Variants in VPS53 observed in about 807,000 individuals in gnomAD.
The protein encoded by VPS53 is vacuolar protein sorting-associated protein 53 homolog.
Under a neutral mutation model 107.0 loss-of-function variants are expected in VPS53, and 70 were observed. The ratio of observed to expected loss-of-function variants is 0.65; its 90% CI spans 0.54 to 0.80. The LOEUF is 0.80. VPS53 is among the 30% of genes least tolerant of loss of function. VPS53 has a pLI of 0.00. For missense variants in VPS53, 917 were observed against 1,049.4 expected, an observed-to-expected ratio of 0.87 and a Z score of 1.74; for synonymous variants, 409 against 393.3, an observed-to-expected ratio of 1.04 and a Z score of -0.47.
At chr17:630,656 C>T (rs1172408795) in intron 8 of VPS53, among the ~76,000 whole-genome samples, 1 of 152,180 alleles carries the variant, frequency 6.6e-6, no homozygotes, top group African/African-American at 2.4e-5. Flanking sequence ...CCACTTACTT[C>T]CTACATTTCT....
chr17:687,380 A>G (rs550541927), intron 4 of VPS53, among the ~76,000 whole-genome samples: 133 of 152,072 alleles, frequency 8.7e-4, no homozygotes, highest in African/African-American at 2.7e-3. Flanking sequence ...GATCGAGACC[A>G]TCCTGGCCAA....
chr17:656,927 G>C, intron 5 of VPS53: 1 of 1,311,316 alleles, frequency 7.6e-7, no homozygotes. Flanking sequence ...GGAAACTTGA[G>C]TGCCAAAGCT....
At position 661,873 on chromosome 17, in the gene VPS53, G is replaced by C. The variant is rs1971451169; in HGVS notation, c.308C>G (p.Ala103Gly). 6.4e-7 allele frequency: 1 copy of C among 1,552,138 alleles called. No homozygotes were observed. The highest frequency in any genetic ancestry group is 8.7e-7 in the Non-Finnish European group (1 of 1,147,100). The change falls in exon 5 of 22, where the codon GCT (alanine) becomes GGT (glycine). Residue 103 changes from alanine (A) to glycine (G), a missense_variant. Physicochemically the swap from Ala to Gly is moderately conservative, Grantham distance 60 (BLOSUM62 0). Transcript: ENST00000437048. Reference protein sequence around the residue: ...GRQALEEAQKAIQQLFGKIKD... With the variant: ...GRQALEEAQKGIQQLFGKIKD... ...GATTTTGCCAAAGAGTTGTTGGATAGCTTTCTGAGCCTCTTCAAGCGCCTA... is the reference window on the plus strand; with the variant it reads ...GATTTTGCCAAAGAGTTGTTGGATACCTTTCTGAGCCTCTTCAAGCGCCTA...
intron 2 of VPS53, among the ~76,000 whole-genome samples, chr17:702,043 T>C (rs1473451422): frequency 6.6e-6 from 1 of 152,210 alleles, no homozygotes; most frequent in Non-Finnish European, 1.5e-5. Context: ...AATATCATTT[T>C]TATAATATAA....
chr17:585,398 T>TTTGG (rs1238725548), intron 13 of VPS53, among the ~76,000 whole-genome samples: 3 of 152,214 alleles, frequency 2.0e-5, no homozygotes, highest in Non-Finnish European at 4.4e-5. Flanking sequence ...GGCTCATGCC[T>TTTGG]GTAATTCCAG....
chr17:518,096 G>A lies in VPS53; in HGVS notation c.*1032C>T, dbSNP rs919654229. The A allele has an allele frequency of 6.6e-6, 1 of 152,290 alleles. No homozygotes were observed. The highest frequency in any genetic ancestry group is 2.4e-5 in the African/African-American group (1 of 41,460). The allele number at this position is 152,290 out of a possible 1,614,324, so 9.4% of individuals were successfully genotyped here. A position where few individuals can be genotyped will look rare whatever the true frequency, so the allele number is the denominator to read the frequency against. On this transcript the variant is annotated 3_prime_UTR_variant, in exon 22 of 22. Transcript: ENST00000437048. ...AGATATCATTCTTCAGCAAAAGCAG[G>A]CAGCAACAGCAGCGGTTTGCCTGTA...
chr17:660,583 G>A (rs765094438), intron 5 of VPS53, among the ~76,000 whole-genome samples: 10 of 152,072 alleles, frequency 6.6e-5, no homozygotes, highest in South Asian at 2.1e-4. Flanking sequence ...GGATACTCTC[G>A]CTGATCTTCA....
At chr17:609,143 C>A (rs1216810756) in intron 11 of VPS53, among the ~76,000 whole-genome samples, 1 of 152,140 alleles carries the variant, frequency 6.6e-6, no homozygotes, top group Non-Finnish European at 1.5e-5. Flanking sequence ...AAAAGCAACC[C>A]CTACCTGTTA....
At chr17:696,963 G>A (rs944872564) in intron 4 of VPS53, among the ~76,000 whole-genome samples, 12 of 151,954 alleles carry the variant, frequency 7.9e-5, no homozygotes, top group Non-Finnish European at 1.3e-4. Flanking sequence ...CGCTGTGCCC[G>A]GCCAACTTGT....
Position 518,876 on chromosome 17 carries a change from T to C in VPS53, c.*252A>G. ...TCAAGGGCAGCTCAGGGACCTATCC[T>C]CCACTGCTGCCTCTGCTTCACGAAC... On this transcript the variant is annotated 3_prime_UTR_variant, in exon 22 of 22. Coordinates refer to ENST00000437048, the MANE Select transcript of VPS53 (RefSeq NM_001128159.3). 3.1e-6 allele frequency: 1 copy of C among 318,678 alleles called. No individual in the cohort carries two copies. The highest frequency in any genetic ancestry group is 5.5e-5 in the East Asian group (1 of 18,192). 19.7% of individuals were successfully genotyped at this position (318,678 alleles called of 1,614,324 possible). A position where few individuals can be genotyped will look rare whatever the true frequency, so the allele number is the denominator to read the frequency against.
chr17:608,588 T>C (rs1308224273), intron 11 of VPS53, among the ~76,000 whole-genome samples: 1 of 151,854 alleles, frequency 6.6e-6, no homozygotes. Flanking sequence ...TAGGCATATA[T>C]AGCTATTTCT....
intron 4 of VPS53, among the ~76,000 whole-genome samples, chr17:667,660 G>T (rs1001688799): frequency 7.9e-5 from 11 of 139,336 alleles, no homozygotes; most frequent in South Asian, 2.7e-4. Context: ...TGTTCTGGGG[G>T]GGGGGGCAAT....
rs142198252 is a variant in VPS53 at position 619,228 on chromosome 17, G to A, written c.1116+4305C>T. 2.4e-3 allele frequency among the ~76,000 whole-genome samples: 286 copies of A among 117,112 alleles called. 7 individuals carry two copies. In the East Asian group the frequency reaches 0.07, roughly 28 times the overall value. 76.8% of individuals were successfully genotyped at this position (117,112 alleles called of 152,430 possible). Reference sequence around the variant, plus strand: ...GGTAGCTGGGACTACAGGTGCCCACGACGCCTGCTAATATTTCCTGGGTAG... The same window carrying A: ...GGTAGCTGGGACTACAGGTGCCCACAACGCCTGCTAATATTTCCTGGGTAG... On this transcript the variant is annotated intron_variant, in intron 11 of 21. Coordinates refer to ENST00000437048, the MANE Select transcript of VPS53 (RefSeq NM_001128159.3).
At chr17:608,961 T>C (rs1968712898) in intron 11 of VPS53, among the ~76,000 whole-genome samples, 1 of 152,110 alleles carries the variant, frequency 6.6e-6, no homozygotes, top group African/African-American at 2.4e-5. Flanking sequence ...AGAGTAAAGA[T>C]GATTTATAAC....
At chr17:632,675 C>G in intron 7 of VPS53, 1 of 455,946 alleles carries the variant, frequency 2.2e-6, no homozygotes, top group East Asian at 7.0e-5. Context: ...GCTATGCCTC[C>G]CAGCCTCTGG....
chr17:654,913 C>T (rs1415331789), intron 6 of VPS53, among the ~76,000 whole-genome samples: 4 of 152,130 alleles, frequency 2.6e-5, no homozygotes, highest in Non-Finnish European at 4.4e-5. Context: ...CAAATGTGAC[C>T]GCCCTCTGGC....
chr17:537,949 G>GTT (rs542863114), intron 17 of VPS53: 2 of 152,356 alleles, frequency 1.3e-5, no homozygotes, highest in South Asian at 4.1e-4. Context: ...GTGGACCAGA[G>GTT]GGTAAGATGG....
At chr17:685,529 G>A (rs1185920785) in intron 4 of VPS53, among the ~76,000 whole-genome samples, 2 of 152,178 alleles carry the variant, frequency 1.3e-5, no homozygotes, top group Non-Finnish European at 2.9e-5. Context: ...TTGCCTGACT[G>A]TAGCCTAATG....
Position 513,407 on chromosome 17 carries a change from A to G in VPS53, c.*5721T>C, listed in dbSNP as rs986139633. On this transcript the variant is annotated 3_prime_UTR_variant, in exon 22 of 22. Transcript: ENST00000437048. ...CAAGAGGCTATTCTGATGAATACTA[A>G]AACAGGACTGGGAATTTTTATTTAA... 1 of 152,178 alleles carries G rather than the reference A, an allele frequency of 6.6e-6. No homozygotes were observed. The highest frequency in any genetic ancestry group is 1.5e-5 in the Non-Finnish European group (1 of 68,026). The allele number at this position is 152,178 out of a possible 1,614,324, so 9.4% of individuals were successfully genotyped here.
Sources: gnomAD v4.1 joint callset for allele counts (sites outside exome capture counted in the v4.1 genomes callset) on GRCh38, gnomAD v4.1.1 for gene constraint, MANE v1.5 for transcripts, NCBI Gene and HGNC (gene_info 2026-07-23, HGNC 2026-07-21) for gene names.